The following FBXL17 variants were observed in gnomAD, a reference collection of about 807,000 sequenced individuals.
The protein encoded by FBXL17 is F-box and leucine rich repeat protein 17, also known as F-box/LRR-repeat protein 17.
Under a neutral mutation model 66.2 loss-of-function variants are expected in FBXL17, and 22 were observed. The ratio of observed to expected loss-of-function variants is 0.33; its 90% CI spans 0.24 to 0.47. FBXL17 has a LOEUF of 0.47. Among genes scored for constraint, FBXL17 ranks in the 20% least tolerant of loss-of-function variants. The pLI is 1.00. For missense variants in FBXL17, 878 were observed against 948.2 expected (o/e 0.93, Z 0.97); for synonymous variants, 474 against 400.5 (o/e 1.18, Z -2.19).
intron 6 of FBXL17, among the ~76,000 whole-genome samples, chr5:108,119,073 C>T (rs1242607039): frequency 2.6e-5 from 4 of 152,132 alleles, no homozygotes; most frequent in African/African-American, 4.8e-5. Flanking sequence ...CTTTACATAG[C>T]TGCCATACCC....
intron 4 of FBXL17, among the ~76,000 whole-genome samples, chr5:108,340,279 G>A (rs1225289766): frequency 6.6e-6 from 1 of 151,938 alleles, no homozygotes; most frequent in Non-Finnish European, 1.5e-5. Context: ...GGCCAGGCAT[G>A]GTGGCTGATG....
chr5:108,255,522 C>A (rs968901593), intron 4 of FBXL17, among the ~76,000 whole-genome samples: 3 of 152,108 alleles, frequency 2.0e-5, no homozygotes, highest in African/African-American at 7.2e-5. Context: ...AATTCATCAT[C>A]AATAGGCTTT....
At chr5:108,184,609 TG>T (rs1445847479) in intron 6 of FBXL17, among the ~76,000 whole-genome samples, 1 of 151,676 alleles carries the variant, frequency 6.6e-6, no homozygotes, top group African/African-American at 2.4e-5. Flanking sequence ...GCCCAGCCAG[TG>T]GTGCACACTT....
Position 108,044,921 on chromosome 5 carries a change from T to C in FBXL17, c.1746-23920A>G, listed in dbSNP as rs186422878. Among the ~76,000 whole-genome samples the C allele has an allele frequency of 2.0e-3, 307 of 152,306 alleles. 1 individual carries two copies. The highest frequency in any genetic ancestry group is 6.9e-3 in the African/African-American group (288 of 41,564). On this transcript the variant is annotated intron_variant, in intron 6 of 8. Coordinates refer to ENST00000542267, the MANE Select transcript of FBXL17 (RefSeq NM_001163315.3). ...CTTCATCTAAATTGTCAAATTTATG[T>C]GTGTAGAATTGTTTATTGTATTTCT...
At chr5:108,275,184 G>A (rs1033777970) in intron 4 of FBXL17, among the ~76,000 whole-genome samples, 8 of 152,216 alleles carry the variant, frequency 5.3e-5, no homozygotes, top group Non-Finnish European at 1.2e-4. Flanking sequence ...TTATAAAGTA[G>A]AGGATAAGGA....
intron 4 of FBXL17, among the ~76,000 whole-genome samples, chr5:108,324,836 A>C (rs1759776980): frequency 6.6e-6 from 1 of 152,148 alleles, no homozygotes; most frequent in Non-Finnish European, 1.5e-5. Context: ...GCTACAACAT[A>C]GATGAATCTT....
chr5:108,313,724 G>C (rs188584653), intron 4 of FBXL17, among the ~76,000 whole-genome samples: 1 of 152,010 alleles, frequency 6.6e-6, no homozygotes, highest in East Asian at 1.9e-4. Context: ...AACAGCCTGA[G>C]TGACAAGGAG....
intron 7 of FBXL17, among the ~76,000 whole-genome samples, chr5:108,017,364 C>T (rs1754427448): frequency 6.6e-6 from 1 of 152,070 alleles, no homozygotes; most frequent in Admixed American, 6.6e-5. Context: ...TAATGTAGGT[C>T]AAATTTCTAA....
chr5:107,992,549 GA>G (rs1201145040), intron 7 of FBXL17, among the ~76,000 whole-genome samples: 1 of 152,132 alleles, frequency 6.6e-6, no homozygotes, highest in African/African-American at 2.4e-5. Context: ...TCTACATGAT[GA>G]AAAAGGCAAC....
intron 7 of FBXL17, among the ~76,000 whole-genome samples, chr5:107,984,535 C>T (rs946492697): frequency 1.3e-5 from 2 of 152,128 alleles, no homozygotes; most frequent in African/African-American, 2.4e-5. Flanking sequence ...TACCTACTTG[C>T]TATAGCATAC....
intron 6 of FBXL17, among the ~76,000 whole-genome samples, chr5:108,149,655 C>T (rs1304698435): frequency 1.3e-5 from 2 of 152,152 alleles, no homozygotes; most frequent in African/African-American, 4.8e-5. Context: ...ACATTACATA[C>T]CAATCTTGGT....
At chr5:108,258,737 AT>A (rs759401052) in intron 4 of FBXL17, among the ~76,000 whole-genome samples, 7,054 of 122,820 alleles carry the variant, frequency 0.057, 477 homozygotes, top group East Asian at 0.36. Flanking sequence ...GGCCTTTAAC[AT>A]TTTTTTTTTT....
At position 108,382,043 on chromosome 5, in the gene FBXL17, C is replaced by T. The variant is rs1750015249; in HGVS notation, c.-352G>A. Reference sequence around the variant, plus strand: ...CGGAGCGGCCGGGGAAAGGCCGGGTCCCGCTCGGACCATTTTAACTGCGGA... The same window carrying T: ...CGGAGCGGCCGGGGAAAGGCCGGGTTCCGCTCGGACCATTTTAACTGCGGA... On this transcript the variant is annotated 5_prime_UTR_variant, in exon 1 of 9. Coordinates refer to ENST00000542267, the MANE Select transcript of FBXL17 (RefSeq NM_001163315.3). 4.3e-6 allele frequency: 4 copies of T among 935,584 alleles called. No individual in the cohort carries two copies. Among genetic ancestry groups the T allele is most frequent in the Non-Finnish European group, 5.3e-6 (4 of 759,164 alleles). The allele number at this position is 935,584 out of a possible 1,614,324, so 58.0% of individuals were successfully genotyped here.
At chr5:108,291,868 T>TCA (rs1395659653) in intron 4 of FBXL17, among the ~76,000 whole-genome samples, 1 of 152,154 alleles carries the variant, frequency 6.6e-6, no homozygotes, top group Non-Finnish European at 1.5e-5. Context: ...CAATTAATCA[T>TCA]CAAGACTTGC....
At chr5:108,186,324 T>G in intron 5 of FBXL17, 77 bp from the exon 6 acceptor site, 2 of 1,259,276 alleles carry the variant, frequency 1.6e-6, no homozygotes, top group South Asian at 1.3e-5. Flanking sequence ...TGTAGTTTAT[T>G]ACAAGGTAGA....
chr5:107,967,395 TTA>T (rs1580261207), intron 7 of FBXL17, among the ~76,000 whole-genome samples: 1 of 151,874 alleles, frequency 6.6e-6, no homozygotes, highest in East Asian at 1.9e-4. Flanking sequence ...ACAGCTAAGT[TTA>T]TATACCCTTC....
intron 6 of FBXL17, among the ~76,000 whole-genome samples, chr5:108,083,160 A>G (rs1748832793): frequency 6.6e-6 from 1 of 151,962 alleles, no homozygotes; most frequent in African/African-American, 2.4e-5. Flanking sequence ...ACCTAATACA[A>G]GGAAAATAAA....
intron 8 of FBXL17, among the ~76,000 whole-genome samples, chr5:107,865,510 G>T (rs1172589998): frequency 6.6e-6 from 1 of 152,168 alleles, no homozygotes; most frequent in Non-Finnish European, 1.5e-5. Flanking sequence ...TACATCTGTA[G>T]TTGAGAATAC....
chr5:108,159,052 G>T (rs951495075), intron 6 of FBXL17, among the ~76,000 whole-genome samples: 3 of 152,060 alleles, frequency 2.0e-5, no homozygotes, highest in African/African-American at 7.2e-5. Context: ...GTGAGTGGTG[G>T]TATTTCAATT....
Sources: gnomAD v4.1 joint callset for allele counts (sites outside exome capture counted in the v4.1 genomes callset) on GRCh38, gnomAD v4.1.1 for gene constraint, MANE v1.5 for transcripts, NCBI Gene and HGNC (gene_info 2026-07-23, HGNC 2026-07-21) for gene names.